Variants in TAFA2 observed in about 807,000 individuals in gnomAD.
TAFA2 encodes the protein TAFA chemokine like family member 2.
TAFA2 carries 7 observed loss-of-function variants against 18.8 expected under a neutral mutation model. The observed-to-expected ratio is 0.37, with a 90% CI of 0.21 to 0.70. The LOEUF is 0.70. Among genes scored for constraint, TAFA2 ranks in the 30% least tolerant of loss-of-function variants. The probability of loss-of-function intolerance (pLI) is 0.53; values close to 1 mark genes in which losing one functional copy is unlikely to be tolerated. For synonymous variants in TAFA2, 60 were observed against 54.2 expected (o/e 1.11, Z -0.47); for missense variants, 122 against 158.1 (o/e 0.77, Z 1.23).
intron 4 of TAFA2, among the ~76,000 whole-genome samples, chr12:61,747,440 C>T (rs1427562883): frequency 8.2e-5 from 12 of 146,608 alleles, no homozygotes; most frequent in African/African-American, 2.3e-4. Context: ...GCATTATTCA[C>T]GATAGCAAAG....
intron 1 of TAFA2, among the ~76,000 whole-genome samples, chr12:62,120,948 T>C (rs1051994327): frequency 6.6e-6 from 1 of 152,030 alleles, no homozygotes; most frequent in African/African-American, 2.4e-5. Context: ...CTCTGCCTCC[T>C]GGGTTCAAGC....
At chr12:61,955,548 G>A (rs1323533018) in intron 1 of TAFA2, among the ~76,000 whole-genome samples, 1 of 129,000 alleles carries the variant, frequency 7.8e-6, no homozygotes, top group Non-Finnish European at 1.6e-5. Context: ...GTTGCAGTGA[G>A]CTAAGATCAC....
At chr12:61,742,115 G>A (rs1055233620) in intron 4 of TAFA2, among the ~76,000 whole-genome samples, 2 of 152,034 alleles carry the variant, frequency 1.3e-5, no homozygotes, top group South Asian at 2.1e-4. Context: ...GGCTGGTCTC[G>A]AACATCTGGC....
chr12:62,062,564 C>T (rs1406538797), intron 1 of TAFA2, among the ~76,000 whole-genome samples: 5 of 152,180 alleles, frequency 3.3e-5, no homozygotes, highest in Admixed American at 6.5e-5. Flanking sequence ...TTGCTTGGAA[C>T]GGTATGGAGA....
At chr12:61,896,375 G>T (rs150515437) in intron 1 of TAFA2, among the ~76,000 whole-genome samples, 2 of 152,078 alleles carry the variant, frequency 1.3e-5, no homozygotes, top group African/African-American at 4.8e-5. Context: ...AAAACATTAC[G>T]AAATATTTAA....
intron 1 of TAFA2, among the ~76,000 whole-genome samples, chr12:62,181,184 G>A (rs1327532432): frequency 6.6e-6 from 1 of 152,132 alleles, no homozygotes; most frequent in East Asian, 1.9e-4. Context: ...ACACACGCGT[G>A]TGCACACACA....
intron 1 of TAFA2, among the ~76,000 whole-genome samples, chr12:61,899,835 G>C (rs956601167): frequency 2.0e-5 from 3 of 152,096 alleles, no homozygotes; most frequent in African/African-American, 7.2e-5. Context: ...TATTTATGTA[G>C]CGTTCATATT....
intron 2 of TAFA2, among the ~76,000 whole-genome samples, chr12:61,824,622 A>C (rs1872466042): frequency 1.3e-5 from 2 of 152,208 alleles, no homozygotes. Flanking sequence ...TTAGATAATG[A>C]ATAAAGAATT....
chr12:61,872,458 C>T (rs1874653564), intron 1 of TAFA2, among the ~76,000 whole-genome samples: 1 of 152,016 alleles, frequency 6.6e-6, no homozygotes, highest in Admixed American at 6.6e-5. Context: ...TAGTCACGTG[C>T]CCCTTCTCCT....
At chr12:61,780,027 G>T (rs1870437920) in intron 2 of TAFA2, among the ~76,000 whole-genome samples, 1 of 151,758 alleles carries the variant, frequency 6.6e-6, no homozygotes, top group Non-Finnish European at 1.5e-5. Flanking sequence ...GAGGACATCA[G>T]ATAACAAGAG....
At position 61,732,295 on chromosome 12, in the gene TAFA2, G is replaced by C. The variant is rs370880921; in HGVS notation, c.384+21327C>G. Among the ~76,000 whole-genome samples the C allele has an allele frequency of 3.6e-4, 55 of 152,198 alleles. 1 individual carries two copies. The East Asian group carries it at 6.2e-3, about 17-fold the overall frequency. On this transcript the variant is annotated intron_variant, in intron 4 of 4. Transcript: ENST00000416284. The stretch of plus-strand genomic sequence containing the variant: ...AGTGAAATAAGCAAGGAAGAAAGTA[G>C]TAGGAGATGAGATCACAGGTTTGTT...
At chr12:61,942,091 C>G (rs1451863567) in intron 1 of TAFA2, among the ~76,000 whole-genome samples, 1 of 151,310 alleles carries the variant, frequency 6.6e-6, no homozygotes, top group Non-Finnish European at 1.5e-5. Context: ...TCTCCCAGCA[C>G]GCAGCTGGAG....
At chr12:61,983,696 A>G (rs1429765684) in intron 1 of TAFA2, among the ~76,000 whole-genome samples, 3 of 152,160 alleles carry the variant, frequency 2.0e-5, no homozygotes, top group Non-Finnish European at 4.4e-5. Context: ...TCAGTACTCT[A>G]TAAATCATTC....
intron 1 of TAFA2, among the ~76,000 whole-genome samples, chr12:61,910,761 A>G (rs1211518490): frequency 1.3e-5 from 2 of 152,174 alleles, no homozygotes; most frequent in African/African-American, 4.8e-5. Context: ...AAAGGTCAAA[A>G]CTTCTTGCTG....
intron 1 of TAFA2, among the ~76,000 whole-genome samples, chr12:61,993,893 C>T (rs1015855244): frequency 3.9e-5 from 6 of 152,060 alleles, no homozygotes; most frequent in Non-Finnish European, 7.4e-5. Context: ...CAGTACTTCC[C>T]TCATAGTGCT....
chr12:61,901,674 CAGA>C (rs1019731777), intron 1 of TAFA2, among the ~76,000 whole-genome samples: 84 of 152,146 alleles, frequency 5.5e-4, no homozygotes, highest in African/African-American at 2.0e-3. Context: ...CAGGTAAGAT[CAGA>C]AGAAGTACTA....
chr12:62,222,408 A>C (rs1171874994), intron 1 of TAFA2, among the ~76,000 whole-genome samples: 1 of 152,194 alleles, frequency 6.6e-6, no homozygotes, highest in African/African-American at 2.4e-5. Context: ...GACTTTTTTA[A>C]AACTTTCTTC....
At chr12:61,774,897 G>A (rs1204240356) in intron 2 of TAFA2, among the ~76,000 whole-genome samples, 1 of 151,758 alleles carries the variant, frequency 6.6e-6, no homozygotes, top group Non-Finnish European at 1.5e-5. Context: ...ACCACAGACT[G>A]GGTGAAAATG....
At chr12:62,096,771 C>T (rs1181133384) in intron 1 of TAFA2, among the ~76,000 whole-genome samples, 1 of 152,100 alleles carries the variant, frequency 6.6e-6, no homozygotes, top group African/African-American at 2.4e-5. Flanking sequence ...TTGTCACTCT[C>T]GTGCAGTTTG....
Sources: allele counts gnomAD v4.1 joint callset (sites outside exome capture counted in the v4.1 genomes callset), GRCh38; gene constraint gnomAD v4.1.1; transcripts MANE v1.5; gene names NCBI Gene and HGNC (gene_info 2026-07-23, HGNC 2026-07-21).